WAC: variants seen among roughly 807,000 people sequenced by gnomAD.
WAC encodes the protein WW domain-containing adapter protein with coiled-coil.
In WAC, 11 loss-of-function variants were observed where a neutral mutation model predicts 79.6. That is an observed-to-expected ratio of 0.14 (90% CI 0.09 to 0.23). WAC has a LOEUF of 0.23. Ranked by LOEUF, WAC falls within the 10% of genes least tolerant of loss-of-function variation. WAC has a pLI of 1.00. For missense variants in WAC, 728 were observed against 773.5 expected, an observed-to-expected ratio of 0.94 and a Z score of 0.70; for synonymous variants, 304 against 276.9, an observed-to-expected ratio of 1.10 and a Z score of -0.97.
chr10:28,588,516 C>T (rs1839931923), intron 4 of WAC, among the ~76,000 whole-genome samples: 1 of 152,190 alleles, frequency 6.6e-6, no homozygotes, highest in East Asian at 1.9e-4. Context: ...TGATAAACCA[C>T]TAATTAGTTT....
intron 3 of WAC, among the ~76,000 whole-genome samples, chr10:28,542,274 C>T (rs1367723588): frequency 1.3e-5 from 2 of 152,176 alleles, no homozygotes; most frequent in Non-Finnish European, 2.9e-5. Flanking sequence ...TCTTTCCTTG[C>T]CCCTGCGTGT....
chr10:28,610,220 C>T (rs117859628), intron 8 of WAC, among the ~76,000 whole-genome samples: 399 of 152,104 alleles, frequency 2.6e-3, no homozygotes, highest in Non-Finnish European at 4.1e-3. Flanking sequence ...CTACCATGTC[C>T]GGCCAATACT....
chr10:28,578,751 T>G (rs1484184092), intron 3 of WAC, among the ~76,000 whole-genome samples: 3 of 152,174 alleles, frequency 2.0e-5, no homozygotes, highest in Non-Finnish European at 2.9e-5. Context: ...CTTCTCACCC[T>G]TAAATTTTAG....
intron 7 of WAC, among the ~76,000 whole-genome samples, chr10:28,606,085 C>G (rs893787999): frequency 6.6e-6 from 1 of 151,990 alleles, no homozygotes; most frequent in South Asian, 2.1e-4. Context: ...GGGCCTCACT[C>G]CCATTGCCTA....
intron 3 of WAC, among the ~76,000 whole-genome samples, chr10:28,548,828 G>A (rs570392965): frequency 5.9e-5 from 9 of 152,112 alleles, no homozygotes; most frequent in Non-Finnish European, 8.8e-5. Context: ...CCAGCTACGT[G>A]TATATTGAGC....
chr10:28,556,205 T>G (rs890160097), intron 3 of WAC, among the ~76,000 whole-genome samples: 18 of 152,048 alleles, frequency 1.2e-4, no homozygotes, highest in African/African-American at 4.1e-4. Context: ...TTCCCTCCTC[T>G]GCACCCTCAC....
intron 6 of WAC, among the ~76,000 whole-genome samples, chr10:28,593,730 CAA>C (rs66821014): frequency 1.4e-3 from 194 of 143,542 alleles, no homozygotes; most frequent in Admixed American, 4.0e-3. Flanking sequence ...GAGACTCTCT[CAA>C]AAAAAAAAAA....
intron 3 of WAC, among the ~76,000 whole-genome samples, chr10:28,578,540 G>T (rs1315962057): frequency 6.6e-6 from 1 of 151,842 alleles, no homozygotes; most frequent in East Asian, 1.9e-4. Context: ...CTTTCCCACT[G>T]CCATTTAATC....
intron 3 of WAC, among the ~76,000 whole-genome samples, chr10:28,557,079 G>C (rs562163211): frequency 1.1e-3 from 154 of 146,540 alleles, no homozygotes; most frequent in Non-Finnish European, 1.6e-3. Flanking sequence ...TTTTTTTTGT[G>C]TTGAAAATTT....
chr10:28,603,988 TG>T (rs1840794932), intron 7 of WAC, among the ~76,000 whole-genome samples: 2 of 31,366 alleles, frequency 6.4e-5, no homozygotes, highest in East Asian at 1.0e-3. Context: ...TATATATATA[TG>T]TATATATATA....
At chr10:28,579,126 C>T (rs544695898) in intron 3 of WAC, among the ~76,000 whole-genome samples, 23 of 151,760 alleles carry the variant, frequency 1.5e-4, no homozygotes, top group African/African-American at 5.3e-4. Context: ...CATTTAAAAA[C>T]ATTTTTATCC....
In WAC at chr10:28,611,931, C is replaced by T. The variant is rs776187158; in HGVS notation, c.1437+9C>T. ...TTTCATCACAGCCAAAGGTATGTCA[C>T]CTTTGAGGGACATTCGGAAAAGAAA... On this transcript the variant is annotated intron_variant, in intron 10 of 13. Transcript: ENST00000354911. 1.2e-5 allele frequency: 19 copies of T among 1,603,948 alleles called. No individual in the cohort carries two copies. The South Asian group carries it at 1.9e-4, about 16-fold the overall frequency.
chr10:28,605,545 G>T (rs1164519865), intron 7 of WAC, among the ~76,000 whole-genome samples: 1 of 152,114 alleles, frequency 6.6e-6, no homozygotes, highest in Non-Finnish European at 1.5e-5. Flanking sequence ...GAATCAACTG[G>T]TTTCCACACT....
At chr10:28,561,931 C>G (rs1838320412) in intron 3 of WAC, among the ~76,000 whole-genome samples, 1 of 152,194 alleles carries the variant, frequency 6.6e-6, no homozygotes, top group Admixed American at 6.5e-5. Flanking sequence ...CCCAACCACC[C>G]TCTACCCTCA....
At chr10:28,547,287 C>T (rs969940667) in intron 3 of WAC, among the ~76,000 whole-genome samples, 3 of 152,112 alleles carry the variant, frequency 2.0e-5, no homozygotes, top group Admixed American at 6.5e-5. Context: ...GTAATCCCAG[C>T]GCTTTGGGAG....
At chr10:28,552,840 G>T (rs332122) in intron 3 of WAC, among the ~76,000 whole-genome samples, 1 of 128,862 alleles carries the variant, frequency 7.8e-6, no homozygotes, top group Non-Finnish European at 1.6e-5. Flanking sequence ...AAATCCACTT[G>T]GCTGCTTTTT....
In WAC at chr10:28,587,972, T is replaced by G. The variant is rs149934283; in HGVS notation, c.382-1764T>G. On this transcript the variant is annotated intron_variant, in intron 4 of 13. Transcript: ENST00000354911. ...ACTTCTGTGAAAGAAACAGTATGTT[T>G]ATATATTCAAATGCAAACTCCTTAT... Among the ~76,000 whole-genome samples, 52 of 152,302 alleles carry G rather than the reference T, an allele frequency of 3.4e-4. No individual in the cohort carries two copies. In the Middle Eastern group the frequency reaches 0.014, roughly 40 times the overall value.
chr10:28,605,795 TCTC>T, intron 7 of WAC, among the ~76,000 whole-genome samples: 1 of 152,266 alleles, frequency 6.6e-6, no homozygotes, highest in Admixed American at 6.5e-5. Flanking sequence ...TGCACTTTCT[TCTC>T]CAACTTGTTT....
chr10:28,547,344 G>C (rs1439193838), intron 3 of WAC, among the ~76,000 whole-genome samples: 1 of 152,144 alleles, frequency 6.6e-6, no homozygotes, highest in East Asian at 1.9e-4. Context: ...AGACCAGCCT[G>C]GCCAACATGG....
Sources: allele counts gnomAD v4.1 joint callset (sites outside exome capture counted in the v4.1 genomes callset), GRCh38; gene constraint gnomAD v4.1.1; transcripts MANE v1.5; gene names NCBI Gene and HGNC (gene_info 2026-07-23, HGNC 2026-07-21).